Variants in PAFAH2 observed in about 807,000 individuals in gnomAD.
PAFAH2 encodes platelet activating factor acetylhydrolase 2.
A neutral mutation model predicts 49.0 loss-of-function variants in PAFAH2; 42 were observed. That is an observed-to-expected ratio of 0.86 (90% CI 0.67 to 1.11). The LOEUF (loss-of-function observed/expected upper bound fraction) is 1.11. Ranked by LOEUF, PAFAH2 falls within the 50% of genes least tolerant of loss-of-function variation. The pLI, the probability that PAFAH2 is intolerant of heterozygous loss-of-function variation, is 0.00. For missense variants in PAFAH2, 503 were observed against 501.8 expected, an observed-to-expected ratio of 1.00 and a Z score of -0.02; for synonymous variants, 184 against 181.3, an observed-to-expected ratio of 1.01 and a Z score of -0.12.
Position 25,960,099 on chromosome 1 carries a change from G to A in PAFAH2, c.*1890C>T, listed in dbSNP as rs926187158. 3.3e-5 allele frequency: 5 copies of A among 152,212 alleles called. No individual in the cohort carries two copies. Among genetic ancestry groups the A allele is most frequent in the East Asian group, 3.9e-4 (2 of 5,194 alleles). The allele number at this position is 152,212 out of a possible 1,614,324, so 9.4% of individuals were successfully genotyped here. Reference sequence around the variant, plus strand: ...TCAAATTTACCCAGTTGGCAGTGGTGGAGCCAGGACTCAAAACCAGGCTCT... The same window carrying A: ...TCAAATTTACCCAGTTGGCAGTGGTAGAGCCAGGACTCAAAACCAGGCTCT... On this transcript the variant is annotated 3_prime_UTR_variant, in exon 11 of 11. Transcript: ENST00000374282.
rs547226820 is a variant in PAFAH2, at chr1:25,977,246, G to A, written c.667-473C>T. Among the ~76,000 whole-genome samples, 725 of 150,696 alleles carry A rather than the reference G, an allele frequency of 4.8e-3. 1 individual carries two copies. The highest frequency in any genetic ancestry group is 8.7e-3 in the Non-Finnish European group (586 of 67,604). Reference sequence around the variant, plus strand: ...GATCTCCTGACCTCGTGATCCGCCCGCCTCGGCCTCCCAAAGTGCTGGGAT... The same window carrying A: ...GATCTCCTGACCTCGTGATCCGCCCACCTCGGCCTCCCAAAGTGCTGGGAT... On this transcript the variant is annotated intron_variant, in intron 7 of 10. Transcript: ENST00000374282.
intron 1 of PAFAH2, among the ~76,000 whole-genome samples, chr1:25,996,485 A>G (rs1437435696): frequency 6.6e-6 from 1 of 152,194 alleles, no homozygotes; most frequent in Non-Finnish European, 1.5e-5. Flanking sequence ...TAAAAAAAAT[A>G]CAAAATATTA....
At chr1:25,980,677 C>T (rs889610731) in intron 7 of PAFAH2, among the ~76,000 whole-genome samples, 11 of 149,154 alleles carry the variant, frequency 7.4e-5, no homozygotes, top group Admixed American at 6.7e-5. Context: ...CACATATGCA[C>T]ATACACACAC....
At chr1:25,982,975 C>T (rs548111282) in intron 6 of PAFAH2, among the ~76,000 whole-genome samples, 2 of 152,084 alleles carry the variant, frequency 1.3e-5, no homozygotes, top group African/African-American at 4.8e-5. Context: ...GCCTGGAATC[C>T]CTCTCCAGGA....
Position 25,982,214 on chromosome 1 carries a change from C to T in PAFAH2, c.666+150G>A, listed in dbSNP as rs1390523902. On this transcript the variant is annotated intron_variant, in intron 7 of 10. Coordinates refer to ENST00000374282, the MANE Select transcript of PAFAH2 (RefSeq NM_000437.4). ...ATGTCTGAGACCCTGGGTCTAACTA[C>T]ACTGGCCTAAAGTTGGCCTTTGATC... 5.1e-6 allele frequency: 3 copies of T among 588,932 alleles called. No homozygotes were observed. The Admixed American group carries it at 8.5e-5, about 17-fold the overall frequency. The allele number at this position is 588,932 out of a possible 1,614,324, so 36.5% of individuals were successfully genotyped here.
At chr1:25,970,892 G>A (rs535614694) in intron 10 of PAFAH2, among the ~76,000 whole-genome samples, 1 of 152,122 alleles carries the variant, frequency 6.6e-6, no homozygotes, top group Non-Finnish European at 1.5e-5. Flanking sequence ...ACCCGGCCAG[G>A]GCACTACACT....
At chr1:25,985,771 C>T (rs1032845120) in intron 4 of PAFAH2, among the ~76,000 whole-genome samples, 1 of 152,210 alleles carries the variant, frequency 6.6e-6, no homozygotes. Flanking sequence ...ACTTCATCTC[C>T]ATATTTACTC....
At chr1:25,980,790 G>T (rs1349546225) in intron 7 of PAFAH2, among the ~76,000 whole-genome samples, 1 of 151,894 alleles carries the variant, frequency 6.6e-6, no homozygotes, top group Non-Finnish European at 1.5e-5. Context: ...GGCCAAGGCA[G>T]GTGGACTGCC....
At chr1:25,977,291 G>A (rs1331691181) in intron 7 of PAFAH2, among the ~76,000 whole-genome samples, 39 of 150,566 alleles carry the variant, frequency 2.6e-4, no homozygotes, top group African/African-American at 8.3e-4. Context: ...GAGCCACCGC[G>A]CCCGGCTCAT....
rs559616391 is a variant in PAFAH2 at position 25,979,597 on chromosome 1, C to G, written c.666+2767G>C. Reference sequence around the variant, plus strand: ...CTGCCTCCCGGGTACAAGCGATTCTCCTGCCTCAGCCTCCCAAGTAGCTGG... The same window carrying G: ...CTGCCTCCCGGGTACAAGCGATTCTGCTGCCTCAGCCTCCCAAGTAGCTGG... On this transcript the variant is annotated intron_variant, in intron 7 of 10. Coordinates refer to ENST00000374282, the MANE Select transcript of PAFAH2 (RefSeq NM_000437.4). 2.6e-5 allele frequency among the ~76,000 whole-genome samples: 4 copies of G among 152,260 alleles called. No individual in the cohort carries two copies. The East Asian group carries it at 5.8e-4, about 22-fold the overall frequency.
At chr1:25,974,256 C>T (rs1286214805) in intron 9 of PAFAH2, among the ~76,000 whole-genome samples, 1 of 152,136 alleles carries the variant, frequency 6.6e-6, no homozygotes, top group Non-Finnish European at 1.5e-5. Context: ...TAGGTAAATC[C>T]TGTCATAAAG....
intron 6 of PAFAH2, 55 bp from the exon 7 acceptor site, chr1:25,982,532 A>T: frequency 7.5e-7 from 1 of 1,333,608 alleles, no homozygotes; most frequent in Non-Finnish European, 1.1e-6. Flanking sequence ...GTCCAGCGAG[A>T]ATCTCCCTCA....
At position 25,982,496 on chromosome 1, in the gene PAFAH2, C is replaced by G; in HGVS notation, c.553-19G>C. The stretch of plus-strand genomic sequence containing the variant: ...GATGCACCTGCAACAGAGACAGTCC[C>G]AGTGGGACTGGAACACTCCACAACT... On this transcript the variant is annotated intron_variant, in intron 6 of 10. Coordinates refer to ENST00000374282, the MANE Select transcript of PAFAH2 (RefSeq NM_000437.4). 2 of 1,567,880 alleles carry G rather than the reference C, an allele frequency of 1.3e-6. No homozygotes were observed. Among genetic ancestry groups the G allele is most frequent in the Non-Finnish European group, 1.8e-6 (2 of 1,138,120 alleles).
At chr1:25,969,209 C>G (rs1027280087) in intron 10 of PAFAH2, among the ~76,000 whole-genome samples, 2 of 152,238 alleles carry the variant, frequency 1.3e-5, no homozygotes. Context: ...CAGGCCCACT[C>G]AAGCATTTAT....
Position 25,962,012 on chromosome 1 carries a change from G to A in PAFAH2, c.1156C>T (p.Pro386Ser), listed in dbSNP as rs1231004581. 1.5e-5 allele frequency: 25 copies of A among 1,613,756 alleles called. No individual in the cohort carries two copies. Among genetic ancestry groups the A allele is most frequent in the Non-Finnish European group, 2.0e-5 (24 of 1,179,912 alleles). ...GIGPSLTPGAPHHLSSL is the reference protein window; with the variant it reads ...GIGPSLTPGASHHLSSL ...GCCTACAGGCTGGACAGATGGTGGG[G>A]GGCCCCTGGGGTGAGCGACGGTCCA... The change falls in exon 11 of 11, where the codon CCC becomes TCC. Residue 386 changes from proline (P) to serine (S), a missense_variant. By Grantham distance (74) the Pro-to-Ser change is moderately conservative. Coordinates refer to ENST00000374282, the MANE Select transcript of PAFAH2 (RefSeq NM_000437.4).
intron 1 of PAFAH2, among the ~76,000 whole-genome samples, chr1:25,991,506 T>A (rs979036159): frequency 1.4e-5 from 2 of 148,044 alleles, no homozygotes; most frequent in Non-Finnish European, 1.5e-5. Context: ...ATGGTCTTGA[T>A]CTCCTGACCT....
chr1:25,987,080 C>T (rs2049792572), intron 4 of PAFAH2, among the ~76,000 whole-genome samples: 1 of 150,638 alleles, frequency 6.6e-6, no homozygotes, highest in Non-Finnish European at 1.5e-5. Flanking sequence ...CCTGTCTCTA[C>T]AAAAATTAGC....
At chr1:25,974,413 G>C (rs2049555467) in intron 9 of PAFAH2, 67 bp downstream of exon 9, 1 of 1,384,610 alleles carries the variant, frequency 7.2e-7, no homozygotes, top group Non-Finnish European at 9.7e-7. Context: ...TAATCCAGAA[G>C]TTAAGGGCAC....
At chr1:25,978,633 T>C (rs2049632971) in intron 7 of PAFAH2, among the ~76,000 whole-genome samples, 1 of 152,218 alleles carries the variant, frequency 6.6e-6, no homozygotes, top group African/African-American at 2.4e-5. Context: ...ACCTGGTCCA[T>C]AAATTGTCTC....
Sources: gnomAD v4.1 joint callset for allele counts (sites outside exome capture counted in the v4.1 genomes callset) on GRCh38, gnomAD v4.1.1 for gene constraint, MANE v1.5 for transcripts, NCBI Gene and HGNC (gene_info 2026-07-23, HGNC 2026-07-21) for gene names.